PKHD1: variants seen among roughly 807,000 people sequenced by gnomAD.
The protein encoded by PKHD1 is fibrocystin.
In PKHD1, 291 loss-of-function variants were observed where a neutral mutation model predicts 412.0. The ratio of observed to expected loss-of-function variants is 0.71; its 90% CI spans 0.64 to 0.78. The LOEUF (loss-of-function observed/expected upper bound fraction) is 0.78, where lower values mean the gene tolerates loss of function less well. Among genes scored for constraint, PKHD1 ranks in the 30% least tolerant of loss-of-function variants. PKHD1 has a pLI of 0.00. For synonymous variants in PKHD1, 1,777 were observed against 1,821.5 expected, an observed-to-expected ratio of 0.98 and a Z score of 0.62; for missense variants, 4,825 against 4,950.7, an observed-to-expected ratio of 0.97 and a Z score of 0.76.
At chr6:51,942,771 G>A (rs982961849) in intron 36 of PKHD1, among the ~76,000 whole-genome samples, 2 of 151,544 alleles carry the variant, frequency 1.3e-5, no homozygotes, top group African/African-American at 4.8e-5. Flanking sequence ...CCACTAGCCC[G>A]CCTCTTAGAA....
intron 60 of PKHD1, among the ~76,000 whole-genome samples, chr6:51,705,822 T>A (rs1255053686): frequency 6.6e-6 from 1 of 152,168 alleles, no homozygotes; most frequent in Non-Finnish European, 1.5e-5. Context: ...AAAAAATCTT[T>A]GCCTGCTTCA....
intron 43 of PKHD1, among the ~76,000 whole-genome samples, chr6:51,890,513 C>A (rs1217575731): frequency 1.3e-5 from 2 of 151,734 alleles, no homozygotes; most frequent in Non-Finnish European, 2.9e-5. Context: ...TCCAAGTAAG[C>A]CAGCTCCTAG....
chr6:51,775,973 G>A, intron 53 of PKHD1, 52 bp from the exon 54 acceptor site: 1 of 879,736 alleles, frequency 1.1e-6, no homozygotes, highest in South Asian at 1.3e-5. Flanking sequence ...TTAAAAGAAA[G>A]AGAGGGAGAA....
chr6:51,680,271 T>A (rs1204715415), intron 60 of PKHD1, among the ~76,000 whole-genome samples: 1 of 152,002 alleles, frequency 6.6e-6, no homozygotes, highest in Non-Finnish European at 1.5e-5. Context: ...AAAATCATAA[T>A]AGGAGCTTCA....
intron 13 of PKHD1, among the ~76,000 whole-genome samples, chr6:52,062,893 G>A (rs914461176): frequency 6.6e-6 from 1 of 152,110 alleles, no homozygotes; most frequent in Non-Finnish European, 1.5e-5. Context: ...TTTAGCAAGA[G>A]TTCCTAGAAA....
At chr6:51,698,054 G>A (rs957696144) in intron 60 of PKHD1, among the ~76,000 whole-genome samples, 1 of 152,044 alleles carries the variant, frequency 6.6e-6, no homozygotes, top group African/African-American at 2.4e-5. Flanking sequence ...GAAAGTAAAT[G>A]GTACAAAGTA....
At chr6:51,780,219 CT>C (rs1429550167) in intron 53 of PKHD1, among the ~76,000 whole-genome samples, 4 of 152,000 alleles carry the variant, frequency 2.6e-5, no homozygotes, top group Non-Finnish European at 5.9e-5. Context: ...AACCTTGTCT[CT>C]ACTAAAAATA....
chr6:52,031,867 T>G lies in PKHD1; in HGVS notation c.3364+1163A>C, dbSNP rs78802161. On this transcript the variant is annotated intron_variant, in intron 29 of 66. Coordinates refer to ENST00000371117, the MANE Select transcript of PKHD1 (RefSeq NM_138694.4). ...TTTGAAAAGAATGCATTGCATTGTA[T>G]GTATCAACAACATAACTTTTGGAGC... Among the ~76,000 whole-genome samples the G allele has an allele frequency of 4.8e-3, 727 of 152,366 alleles. 1 individual carries two copies. Among genetic ancestry groups the G allele is most frequent in the Non-Finnish European group, 8.0e-3 (544 of 68,040 alleles).
At chr6:51,896,485 A>G (rs1288968776) in intron 43 of PKHD1, among the ~76,000 whole-genome samples, 1 of 152,112 alleles carries the variant, frequency 6.6e-6, no homozygotes, top group Admixed American at 6.5e-5. Context: ...AACAAACAGA[A>G]AGGACATCCA....
chr6:51,969,160 G>C (rs1224864399), intron 35 of PKHD1, among the ~76,000 whole-genome samples: 2 of 152,196 alleles, frequency 1.3e-5, no homozygotes, highest in East Asian at 3.8e-4. Context: ...ATGTGGCTTG[G>C]AGGAGACCAT....
At chr6:51,728,218 T>C (rs974267298) in intron 60 of PKHD1, among the ~76,000 whole-genome samples, 4 of 152,194 alleles carry the variant, frequency 2.6e-5, no homozygotes, top group African/African-American at 4.8e-5. Flanking sequence ...TCCCAGATGA[T>C]GAGTGACTAC....
chr6:51,824,574 G>A (rs912548647), intron 52 of PKHD1, among the ~76,000 whole-genome samples: 9 of 151,968 alleles, frequency 5.9e-5, no homozygotes, highest in Non-Finnish European at 8.8e-5. Flanking sequence ...TTTGACTTCA[G>A]GTTTTCTTTT....
At chr6:51,747,736 T>G (rs771296873) in intron 58 of PKHD1, 51 bp downstream of exon 58, 1 of 1,517,260 alleles carries the variant, frequency 6.6e-7, no homozygotes, top group Non-Finnish European at 9.1e-7. Flanking sequence ...TTAAAAATTT[T>G]ATGCATGGAT....
chr6:51,974,955 G>A (rs1027613362), intron 35 of PKHD1, among the ~76,000 whole-genome samples: 1 of 152,124 alleles, frequency 6.6e-6, no homozygotes, highest in African/African-American at 2.4e-5. Flanking sequence ...AGCAAGCCAA[G>A]GAGAGAGGTT....
intron 34 of PKHD1, among the ~76,000 whole-genome samples, chr6:52,015,984 T>C (rs1334438949): frequency 6.6e-6 from 1 of 152,154 alleles, no homozygotes; most frequent in Non-Finnish European, 1.5e-5. Flanking sequence ...AGGAAGAGCA[T>C]GGAAGAACCC....
chr6:51,900,448 T>C (rs1486217291), intron 43 of PKHD1, among the ~76,000 whole-genome samples: 1 of 152,246 alleles, frequency 6.6e-6, no homozygotes, highest in Non-Finnish European at 1.5e-5. Flanking sequence ...TAAATGGTGC[T>C]GGGAAAATTG....
chr6:52,065,198 CAG>C (rs1562269620), intron 12 of PKHD1, 148 bp from the exon 13 acceptor site: 45 of 84,102 alleles, frequency 5.4e-4, no homozygotes, highest in Non-Finnish European at 8.8e-4. Context: ...GAGAGAGAGA[CAG>C]AGAGAGAGAG....
chr6:52,027,540 AAAAAAAAAAG>A (rs1802386650), intron 31 of PKHD1, among the ~76,000 whole-genome samples: 1 of 150,904 alleles, frequency 6.6e-6, no homozygotes, highest in African/African-American at 2.4e-5. Context: ...CTCAAAAAAA[AAAAAAAAAAG>A]AAGAAGAAGA....
intron 57 of PKHD1, among the ~76,000 whole-genome samples, chr6:51,752,227 C>G (rs1205262056): frequency 6.6e-6 from 1 of 152,156 alleles, no homozygotes; most frequent in Non-Finnish European, 1.5e-5. Context: ...GGGTTCTCAA[C>G]CTCAACACTA....
Sources: gnomAD v4.1 joint callset for allele counts (sites outside exome capture counted in the v4.1 genomes callset) on GRCh38, gnomAD v4.1.1 for gene constraint, MANE v1.5 for transcripts, NCBI Gene and HGNC (gene_info 2026-07-23, HGNC 2026-07-21) for gene names.